Variants in UCHL5 observed in about 807,000 individuals in gnomAD.
The protein encoded by UCHL5 is ubiquitin C-terminal hydrolase L5.
UCHL5 carries 34 observed loss-of-function variants against 53.8 expected under a neutral mutation model. The observed-to-expected ratio is 0.63, with a 90% CI of 0.48 to 0.84. UCHL5 has a LOEUF of 0.84. Ranked by LOEUF, UCHL5 falls within the 40% of genes least tolerant of loss-of-function variation. The pLI is 0.00. For synonymous variants in UCHL5, 111 were observed against 126.3 expected (o/e 0.88, Z 0.81); for missense variants, 290 against 385.6 (o/e 0.75, Z 2.08).
At chr1:193,058,096 G>A (rs1446243011) in intron 1 of UCHL5, among the ~76,000 whole-genome samples, 3 of 151,872 alleles carry the variant, frequency 2.0e-5, no homozygotes, top group African/African-American at 7.3e-5. Flanking sequence ...GCATGGTGGC[G>A]CGTGCCTGTA....
chr1:193,055,158 G>C (rs1670219261), intron 1 of UCHL5, among the ~76,000 whole-genome samples: 1 of 152,190 alleles, frequency 6.6e-6, no homozygotes, highest in Non-Finnish European at 1.5e-5. Context: ...TCTTCTGCAA[G>C]GAATTACCAG....
At chr1:193,041,519 T>A (rs1665561358) in intron 3 of UCHL5, among the ~76,000 whole-genome samples, 1 of 152,204 alleles carries the variant, frequency 6.6e-6, no homozygotes, top group South Asian at 2.1e-4. Context: ...CTCCTACACA[T>A]TGCTAGTGGA....
At chr1:193,037,902 A>G (rs1664118306) in intron 3 of UCHL5, among the ~76,000 whole-genome samples, 1 of 151,564 alleles carries the variant, frequency 6.6e-6, no homozygotes, top group African/African-American at 2.4e-5. Context: ...AAAAAAAAAA[A>G]AAAAAAAAGG....
At chr1:193,027,444 G>A (rs956431724) in intron 7 of UCHL5, among the ~76,000 whole-genome samples, 6 of 152,096 alleles carry the variant, frequency 3.9e-5, no homozygotes, top group African/African-American at 1.4e-4. Context: ...CAGCACTTCG[G>A]GAGGCCAAGG....
chr1:193,047,428 T>C (rs2102792205), intron 3 of UCHL5, among the ~76,000 whole-genome samples: 1 of 152,186 alleles, frequency 6.6e-6, no homozygotes, highest in South Asian at 2.1e-4. Flanking sequence ...AAAAACCCTA[T>C]TTTCCTTAAA....
At chr1:193,054,407 G>A (rs981280072) in intron 1 of UCHL5, among the ~76,000 whole-genome samples, 1 of 152,070 alleles carries the variant, frequency 6.6e-6, no homozygotes, top group Admixed American at 6.6e-5. Flanking sequence ...TTGCACCTCT[G>A]CCAAAAAACA....
Position 193,040,187 on chromosome 1 carries a change from C to A in UCHL5, c.246+9559G>T, listed in dbSNP as rs6428150. ...AAGAAGCTTCTGCATAACAAAGGAA[C>A]CAATCAACAAAGTAAAGCGACAACC... On this transcript the variant is annotated intron_variant, in intron 3 of 10. Transcript: ENST00000367454. Among the ~76,000 whole-genome samples the A allele has an allele frequency of 5.9e-3, 897 of 152,076 alleles. 10 individuals are homozygous for A. Among genetic ancestry groups the A allele is most frequent in the African/African-American group, 0.021 (862 of 41,500 alleles).
intron 3 of UCHL5, among the ~76,000 whole-genome samples, chr1:193,033,081 TG>T (rs1464462424): frequency 6.6e-6 from 1 of 152,194 alleles, no homozygotes; most frequent in Admixed American, 6.5e-5. Context: ...TGCACATGTA[TG>T]TTTATTGCAG....
intron 1 of UCHL5, among the ~76,000 whole-genome samples, chr1:193,054,838 G>A (rs1182164600): frequency 6.6e-6 from 1 of 152,176 alleles, no homozygotes; most frequent in Non-Finnish European, 1.5e-5. Flanking sequence ...ACGGGTCAGA[G>A]TTGTTATAGA....
chr1:193,018,749 T>A, intron 10 of UCHL5: 1 of 1,505,358 alleles, frequency 6.6e-7, no homozygotes, highest in Non-Finnish European at 8.9e-7. Context: ...TAGCACTGCA[T>A]GGTGCAGCCA....
chr1:193,020,289 T>A, intron 10 of UCHL5: 22 of 1,531,926 alleles, frequency 1.4e-5, no homozygotes, highest in Non-Finnish European at 1.6e-5. Flanking sequence ...TTAAAATTAA[T>A]AAGGAAAATA....
At chr1:193,021,748 T>C (rs1351153211) in intron 9 of UCHL5, among the ~76,000 whole-genome samples, 1 of 152,188 alleles carries the variant, frequency 6.6e-6, no homozygotes, top group Non-Finnish European at 1.5e-5. Flanking sequence ...TGATTGCCCT[T>C]CCATAGAAAG....
chr1:193,059,625 A>AAC, upstream of UCHL5: 2 of 1,409,646 alleles, frequency 1.4e-6, no homozygotes, highest in Non-Finnish European at 1.9e-6. The surrounding 1 kb of genome is among the most constrained non-coding windows in gnomAD (Gnocchi z 4.9). Flanking sequence ...CGTTCCCGGG[A>AAC]ACCGAACCTG....
intron 7 of UCHL5, among the ~76,000 whole-genome samples, chr1:193,026,992 G>A (rs935352411): frequency 2.0e-5 from 3 of 152,100 alleles, no homozygotes; most frequent in African/African-American, 4.8e-5. Flanking sequence ...AAGCTAATGC[G>A]AAAAGGCTAC....
chr1:193,030,496 A>C (rs1660977554), intron 3 of UCHL5, among the ~76,000 whole-genome samples: 1 of 152,214 alleles, frequency 6.6e-6, no homozygotes, highest in African/African-American at 2.4e-5. Flanking sequence ...CAAGATTATA[A>C]ACCACTTTAT....
intron 3 of UCHL5, among the ~76,000 whole-genome samples, chr1:193,048,833 A>G (rs188923802): frequency 6.6e-6 from 1 of 152,354 alleles, no homozygotes; most frequent in Admixed American, 6.5e-5. Flanking sequence ...AAAAAATGTT[A>G]TCGATGTTAA....
intron 3 of UCHL5, among the ~76,000 whole-genome samples, chr1:193,046,108 T>C (rs1194286847): frequency 6.6e-6 from 1 of 152,188 alleles, no homozygotes; most frequent in Admixed American, 6.5e-5. Flanking sequence ...CATAGCTTAC[T>C]GCAGCCTCAA....
chr1:193,046,389 A>G (rs1203360769), intron 3 of UCHL5, among the ~76,000 whole-genome samples: 1 of 152,074 alleles, frequency 6.6e-6, no homozygotes, highest in Non-Finnish European at 1.5e-5. Context: ...TAAAAGATTA[A>G]TTAATTAAAT....
intron 3 of UCHL5, among the ~76,000 whole-genome samples, chr1:193,046,254 CTCCTGGGCTCAAGT>C (rs1303651584): frequency 6.6e-6 from 1 of 152,056 alleles, no homozygotes; most frequent in African/African-American, 2.4e-5. Flanking sequence ...TGGTCTCAAA[CTCCTGGGCTCAAGT>C]GATCCTCCCA....
Sources: gnomAD v4.1 joint callset for allele counts (sites outside exome capture counted in the v4.1 genomes callset) on GRCh38, gnomAD v4.1.1 for gene constraint, Gnocchi (gnomAD v3.1) non-coding constraint, MANE v1.5 for transcripts, NCBI Gene and HGNC (gene_info 2026-07-23, HGNC 2026-07-21) for gene names.